Variants in AVEN observed in about 807,000 individuals in gnomAD.
AVEN encodes the protein cell death regulator Aven.
Under a neutral mutation model 38.1 loss-of-function variants are expected in AVEN, and 41 were observed. That is an observed-to-expected ratio of 1.08 (90% confidence interval 0.84 to 1.40). The LOEUF (loss-of-function observed/expected upper bound fraction) is 1.40. Among genes scored for constraint, AVEN ranks in the 40% most tolerant of loss-of-function variants. AVEN has a pLI of 0.00. For missense variants in AVEN, 605 were observed against 438.8 expected, an observed-to-expected ratio of 1.38 and a Z score of -3.38; for synonymous variants, 206 against 171.8, an observed-to-expected ratio of 1.20 and a Z score of -1.56.
intron 2 of AVEN, among the ~76,000 whole-genome samples, chr15:33,904,743 GCACACACA>G (rs1892632026): frequency 6.3e-5 from 7 of 110,648 alleles, no homozygotes; most frequent in Non-Finnish European, 1.4e-4. Context: ...ATGCACGCTT[GCACACACA>G]TGCACACACA....
At chr15:33,863,720 G>C (rs147118239), downstream of AVEN, among the ~76,000 whole-genome samples, 760 of 152,270 alleles carry the variant, frequency 5.0e-3, 8 homozygotes, top group African/African-American at 0.018. Flanking sequence ...TTCCATGACA[G>C]ATATTCTTGA....
At chr15:33,860,522 GCTTCTTC>G in intron 11 of AVEN, 1 of 854,398 alleles carries the variant, frequency 1.2e-6, no homozygotes, top group Non-Finnish European at 1.8e-6. Context: ...GAACAAAGTA[GCTTCTTC>G]CTTTATCATT....
At chr15:33,952,346 T>C (rs1894783783) in intron 2 of AVEN, among the ~76,000 whole-genome samples, 1 of 152,158 alleles carries the variant, frequency 6.6e-6, no homozygotes, top group Non-Finnish European at 1.5e-5. Context: ...CCCAAACTAT[T>C]AGAAGATGAC....
intron 11 of AVEN, chr15:33,859,768 T>C: frequency 1.9e-6 from 3 of 1,568,660 alleles, no homozygotes; most frequent in East Asian, 2.3e-5. Context: ...GAACAGGGTT[T>C]AATCTAGTTC....
intron 2 of AVEN, among the ~76,000 whole-genome samples, chr15:33,928,475 A>T (rs759303439): frequency 3.3e-5 from 5 of 152,230 alleles, no homozygotes; most frequent in Admixed American, 1.3e-4. Flanking sequence ...TGTGGACAGC[A>T]GACGTAAGGC....
intron 5 of AVEN, among the ~76,000 whole-genome samples, chr15:34,058,530 AG>A (rs1900232815): frequency 6.8e-6 from 1 of 148,052 alleles, no homozygotes; most frequent in South Asian, 2.2e-4. Context: ...CAGCATAATA[AG>A]GAAGTTCTCT....
intron 1 of AVEN, among the ~76,000 whole-genome samples, chr15:34,015,383 G>C (rs1897847128): frequency 6.6e-6 from 1 of 152,116 alleles, no homozygotes; most frequent in African/African-American, 2.4e-5. Context: ...TCGGGAGGCT[G>C]AGGCAGGAGA....
intron 2 of AVEN, among the ~76,000 whole-genome samples, chr15:33,878,095 C>T (rs553963558): frequency 6.6e-6 from 1 of 152,130 alleles, no homozygotes; most frequent in African/African-American, 2.4e-5. Flanking sequence ...AAAAGGAAGA[C>T]AAAAAACTCA....
At chr15:33,905,873 A>G (rs900706074) in intron 2 of AVEN, among the ~76,000 whole-genome samples, 1 of 151,778 alleles carries the variant, frequency 6.6e-6, no homozygotes, top group Non-Finnish European at 1.5e-5. Context: ...CACCCACCCA[A>G]TTCAACCAAA....
intron 3 of AVEN, among the ~76,000 whole-genome samples, chr15:33,874,199 C>T (rs975411070): frequency 6.6e-6 from 1 of 152,142 alleles, no homozygotes; most frequent in African/African-American, 2.4e-5. Flanking sequence ...TATTTATTAT[C>T]TAATTTAGTC....
At chr15:33,965,193 A>G (rs904395080) in intron 2 of AVEN, among the ~76,000 whole-genome samples, 3 of 152,210 alleles carry the variant, frequency 2.0e-5, no homozygotes, top group African/African-American at 7.2e-5. Context: ...TAAAAATGGC[A>G]TGGCATGACT....
Position 33,905,074 on chromosome 15 carries a change from G to A in AVEN, c.446-29079C>T, listed in dbSNP as rs570216673. On this transcript the variant is annotated intron_variant, in intron 2 of 5. Coordinates refer to ENST00000306730, the MANE Select transcript of AVEN (RefSeq NM_020371.3). ...GAACCTGGGAGGTGGAGGTTGCAGT[G>A]AGCTGAGATTGCGCCGTCGCACTCC... is the stretch of plus-strand genomic sequence containing the variant. Among the ~76,000 whole-genome samples the A allele has an allele frequency of 4.7e-4, 69 of 147,646 alleles. 1 individual carries two copies. Among genetic ancestry groups the A allele is most frequent in the African/African-American group, 1.7e-3 (67 of 39,524 alleles).
chr15:33,995,974 G>A (rs527363564), intron 2 of AVEN, among the ~76,000 whole-genome samples: 7 of 152,172 alleles, frequency 4.6e-5, no homozygotes, highest in South Asian at 2.1e-4. Flanking sequence ...GGACACTTCC[G>A]CCCAAATACT....
At chr15:34,025,346 G>A (rs1457410477) in intron 1 of AVEN, among the ~76,000 whole-genome samples, 2 of 152,140 alleles carry the variant, frequency 1.3e-5, no homozygotes, top group East Asian at 1.9e-4. Context: ...TTATAAAATC[G>A]ACAAGAAGTT....
downstream of AVEN, among the ~76,000 whole-genome samples, chr15:33,863,565 A>G (rs1889301791): frequency 6.6e-6 from 1 of 152,198 alleles, no homozygotes; most frequent in Non-Finnish European, 1.5e-5. Context: ...GCCCCCTGGG[A>G]TACTTATGTG....
In AVEN at chr15:33,859,724, C is replaced by G; in HGVS notation, n.2730-630G>C. 3.7e-6 allele frequency: 6 copies of G among 1,607,780 alleles called. No homozygotes were observed. In the African/African-American group the frequency reaches 4.0e-5, roughly 11 times the overall value. ...TCGTCATTGTCATCTTGCTGGCCAT[C>G]ATTCAAGGTATGATTGCCAATTGTG... On this transcript the variant is annotated intron_variant and non_coding_transcript_variant, in intron 11 of 11. Coordinates refer to the AVEN transcript ENST00000675287.
At chr15:33,995,111 A>G (rs1290591341) in intron 2 of AVEN, among the ~76,000 whole-genome samples, 11 of 152,096 alleles carry the variant, frequency 7.2e-5, no homozygotes, top group Admixed American at 6.5e-4. Flanking sequence ...AAAAATGAAG[A>G]AATCAGCCAG....
At chr15:33,896,931 A>G (rs187824250) in intron 2 of AVEN, among the ~76,000 whole-genome samples, 10 of 152,338 alleles carry the variant, frequency 6.6e-5, no homozygotes, top group Admixed American at 5.2e-4. Flanking sequence ...TCTGCAGGAC[A>G]TTAGCACAAT....
chr15:34,037,047 T>C (rs1471070122), intron 1 of AVEN, among the ~76,000 whole-genome samples: 1 of 151,574 alleles, frequency 6.6e-6, no homozygotes, highest in Non-Finnish European at 1.5e-5. Flanking sequence ...AGGCGGAGGT[T>C]GCAGCAAGCC....
Sources: gnomAD v4.1 joint callset for allele counts (sites outside exome capture counted in the v4.1 genomes callset) on GRCh38, gnomAD v4.1.1 for gene constraint, MANE v1.5 for transcripts, NCBI Gene and HGNC (gene_info 2026-07-23, HGNC 2026-07-21) for gene names.